Variants in LRP1B observed in about 807,000 individuals in gnomAD.
The protein encoded by LRP1B is low-density lipoprotein receptor-related protein 1B.
A neutral mutation model predicts 556.6 loss-of-function variants in LRP1B; 217 were observed. The observed-to-expected ratio is 0.39, with a 90% confidence interval of 0.35 to 0.44. The LOEUF is 0.44. Among genes scored for constraint, LRP1B ranks in the 20% least tolerant of loss-of-function variants. The pLI is 1.00. For missense variants in LRP1B, 5,053 were observed against 5,620.8 expected, an observed-to-expected ratio of 0.90 and a Z score of 3.23; for synonymous variants, 2,047 against 1,865.8, an observed-to-expected ratio of 1.10 and a Z score of -2.50.
At chr2:141,587,153 A>G (rs571265543) in intron 2 of LRP1B, among the ~76,000 whole-genome samples, 2 of 152,332 alleles carry the variant, frequency 1.3e-5, no homozygotes, top group South Asian at 4.1e-4. Context: ...AGGACTGTAA[A>G]GCAAAGAAAA....
chr2:140,664,686 T>C (rs1039901979), intron 41 of LRP1B, among the ~76,000 whole-genome samples: 2 of 152,070 alleles, frequency 1.3e-5, no homozygotes, highest in African/African-American at 4.8e-5. Context: ...ATCCATAGTT[T>C]GTCCAATAAC....
chr2:140,455,512 GTC>G (rs1385319804), intron 62 of LRP1B, among the ~76,000 whole-genome samples: 1 of 152,118 alleles, frequency 6.6e-6, no homozygotes, highest in African/African-American at 2.4e-5. Flanking sequence ...TTAAAGCTGA[GTC>G]TGCATTATAA....
intron 41 of LRP1B, among the ~76,000 whole-genome samples, chr2:140,623,102 T>A (rs1683514325): frequency 1.3e-5 from 2 of 152,180 alleles, no homozygotes; most frequent in South Asian, 2.1e-4. Context: ...GTCACTGAGC[T>A]GATGTTTAAG....
intron 66 of LRP1B, among the ~76,000 whole-genome samples, chr2:140,400,507 T>C (rs143381568): frequency 0.012 from 1,850 of 152,316 alleles, 33 homozygotes; most frequent in African/African-American, 0.042. Flanking sequence ...AGTATACTTC[T>C]GTATTCATAT....
At chr2:141,902,973 G>A (rs1201516302) in intron 1 of LRP1B, among the ~76,000 whole-genome samples, 2 of 151,828 alleles carry the variant, frequency 1.3e-5, no homozygotes, top group African/African-American at 4.8e-5. Context: ...CTTACTGTTC[G>A]TAATGGATTT....
At chr2:140,470,578 G>T (rs1687721214) in intron 60 of LRP1B, among the ~76,000 whole-genome samples, 1 of 143,754 alleles carries the variant, frequency 7.0e-6, no homozygotes, top group African/African-American at 2.5e-5. Flanking sequence ...CTGGGAGGCG[G>T]AGTTTGCAGT....
At chr2:141,024,859 C>A (rs1698174441) in intron 11 of LRP1B, among the ~76,000 whole-genome samples, 2 of 151,934 alleles carry the variant, frequency 1.3e-5, no homozygotes, top group Non-Finnish European at 2.9e-5. Flanking sequence ...CTGTGGGTGG[C>A]ATTACAGGAG....
At chr2:141,217,618 C>T (rs1682868166) in intron 6 of LRP1B, among the ~76,000 whole-genome samples, 1 of 152,066 alleles carries the variant, frequency 6.6e-6, no homozygotes, top group Non-Finnish European at 1.5e-5. Context: ...AAATGTAATA[C>T]CTCAAACTAA....
chr2:141,084,694 G>A (rs1700006384), intron 7 of LRP1B, among the ~76,000 whole-genome samples: 1 of 147,370 alleles, frequency 6.8e-6, no homozygotes, highest in East Asian at 2.0e-4. Context: ...CTGTCCCCCA[G>A]ACTGGAGTGC....
At chr2:142,016,841 T>TATATATGTATATATATACACACAC (rs1703152391) in intron 1 of LRP1B, among the ~76,000 whole-genome samples, 1 of 149,618 alleles carries the variant, frequency 6.7e-6, no homozygotes, top group African/African-American at 2.4e-5. Context: ...TATTTATATG[T>TATATATGTATATATATACACACAC]ATATATGTAT....
chr2:140,715,964 T>G lies in LRP1B; in HGVS notation c.6023+9A>C, dbSNP rs999551920. The G allele has an allele frequency of 1.3e-6, 2 of 1,559,874 alleles. No homozygotes were observed. Among genetic ancestry groups the G allele is most frequent in the African/African-American group, 2.7e-5 (2 of 73,138 alleles). ...AAACTTGGAAGATATACGTAAATCTTAAAATTACCCTTTCTCTGGGTGCAC... is the reference window on the plus strand; with the variant it reads ...AAACTTGGAAGATATACGTAAATCTGAAAATTACCCTTTCTCTGGGTGCAC... On this transcript the variant is annotated intron_variant, in intron 37 of 90. Coordinates refer to ENST00000389484, the MANE Select transcript of LRP1B (RefSeq NM_018557.3).
At chr2:141,688,039 G>A (rs925741139) in intron 2 of LRP1B, among the ~76,000 whole-genome samples, 5 of 149,836 alleles carry the variant, frequency 3.3e-5, no homozygotes, top group East Asian at 2.0e-4. Flanking sequence ...AATGTTCTGC[G>A]TACATGTTAA....
chr2:140,419,948 C>T (rs897724573), intron 66 of LRP1B, among the ~76,000 whole-genome samples: 8 of 146,938 alleles, frequency 5.4e-5, no homozygotes, highest in Admixed American at 1.4e-4. Flanking sequence ...GCGGAGCTTG[C>T]AGTGAGCTGA....
chr2:141,887,443 T>G (rs189986085), intron 1 of LRP1B, among the ~76,000 whole-genome samples: 1 of 152,328 alleles, frequency 6.6e-6, no homozygotes, highest in African/African-American at 2.4e-5. Flanking sequence ...GGGCTTTTCC[T>G]GTGACACTGT....
intron 11 of LRP1B, among the ~76,000 whole-genome samples, chr2:141,033,078 G>T (rs2105418087): frequency 6.6e-6 from 1 of 151,924 alleles, no homozygotes; most frequent in East Asian, 2.0e-4. Flanking sequence ...GAGCCTTGAA[G>T]GGAATGATTG....
At chr2:140,269,763 A>G (rs1219414538) in intron 86 of LRP1B, among the ~76,000 whole-genome samples, 1 of 152,018 alleles carries the variant, frequency 6.6e-6, no homozygotes, top group Non-Finnish European at 1.5e-5. Flanking sequence ...AGAAACTCAG[A>G]CACTCAAGTT....
rs1707241252 is a variant in LRP1B, at chr2:142,115,811, A to ATATTATATATGTAATATATATAT, written c.82+14836_82+14837insATATATATATTACATATATAATA. On this transcript the variant is annotated intron_variant, in intron 1 of 90. Transcript: ENST00000389484. ...ATATCATATATATGTAATATATATC[A>ATATTATATATGTAATATATATAT]TATATATGTAATATATATCATATAT... is the stretch of plus-strand genomic sequence containing the variant. 9.3e-3 allele frequency among the ~76,000 whole-genome samples: 24 copies of ATATTATATATGTAATATATATAT among 2,588 alleles called. 9 individuals carry two copies. The highest frequency in any genetic ancestry group is 0.016 in the African/African-American group (24 of 1,494). The allele number at this position is 2,588 out of a possible 152,430, so 1.7% of individuals were successfully genotyped here.
intron 11 of LRP1B, among the ~76,000 whole-genome samples, chr2:141,042,534 A>C (rs1261554618): frequency 2.0e-5 from 3 of 152,116 alleles, no homozygotes; most frequent in Non-Finnish European, 4.4e-5. Flanking sequence ...TAGTTTACAA[A>C]CATAATAAAA....
intron 12 of LRP1B, among the ~76,000 whole-genome samples, chr2:141,019,477 T>C (rs1698003771): frequency 6.6e-6 from 1 of 152,078 alleles, no homozygotes; most frequent in Non-Finnish European, 1.5e-5. Flanking sequence ...CAGAGGATTA[T>C]TGTAAGGGTT....
Sources: gnomAD v4.1 joint callset for allele counts (sites outside exome capture counted in the v4.1 genomes callset) on GRCh38, gnomAD v4.1.1 for gene constraint, MANE v1.5 for transcripts, NCBI Gene and HGNC (gene_info 2026-07-23, HGNC 2026-07-21) for gene names.